The following GTF2IRD1 variants were observed in gnomAD, a reference collection of about 807,000 sequenced individuals.
GTF2IRD1 encodes the protein general transcription factor II-I repeat domain-containing protein 1.
Under a neutral mutation model 113.2 loss-of-function variants are expected in GTF2IRD1, and 26 were observed. That is an observed-to-expected ratio of 0.23 (90% CI 0.17 to 0.32). The LOEUF (loss-of-function observed/expected upper bound fraction) is 0.32, where lower values mean the gene tolerates loss of function less well. Ranked by LOEUF, GTF2IRD1 falls within the 10% of genes least tolerant of loss-of-function variation. GTF2IRD1 has a pLI of 1.00. For missense variants in GTF2IRD1, 864 were observed against 1,280.8 expected (o/e 0.67, Z 4.97); for synonymous variants, 484 against 529.1 (o/e 0.91, Z 1.17).
chr7:74,526,433 T>C (rs1554347246), intron 8 of GTF2IRD1, among the ~76,000 whole-genome samples: 1 of 152,160 alleles, frequency 6.6e-6, no homozygotes, highest in African/African-American at 2.4e-5. Flanking sequence ...CTCCCAGCTC[T>C]ACCAGCCACC....
chr7:74,566,907 C>T (rs2130837194), intron 22 of GTF2IRD1, among the ~76,000 whole-genome samples: 1 of 152,326 alleles, frequency 6.6e-6, no homozygotes, highest in African/African-American at 2.4e-5. Context: ...CACCACCCCT[C>T]TGGTCTCATC....
intron 2 of GTF2IRD1, among the ~76,000 whole-genome samples, chr7:74,509,936 A>G (rs1199516919): frequency 1.3e-5 from 2 of 152,108 alleles, no homozygotes; most frequent in African/African-American, 4.8e-5. Flanking sequence ...CAGCCTCTCA[A>G]AGTGCTGGGA....
At chr7:74,522,563 A>T (rs1236694253) in intron 7 of GTF2IRD1, among the ~76,000 whole-genome samples, 1 of 152,150 alleles carries the variant, frequency 6.6e-6, no homozygotes, top group African/African-American at 2.4e-5. Flanking sequence ...AAGAAAACCC[A>T]GTCCCCTGGG....
rs1583823430 is a variant in GTF2IRD1, at chr7:74,536,247, A to C, written c.1381A>C (p.Thr461Pro). Reference sequence around the variant, plus strand: ...CACCTCTGCAGAGGTCTCTAGGGCCACCGTCCTTGACCTTGCTGGGAATGC... The same window carrying C: ...CACCTCTGCAGAGGTCTCTAGGGCCCCCGTCCTTGACCTTGCTGGGAATGC... Reference protein sequence around the residue: ...EDTSAEVSRATVLDLAGNARS... With the variant: ...EDTSAEVSRAPVLDLAGNARS... The change falls in exon 11 of 27, where the codon ACC becomes CCC. Residue 461 changes from threonine to proline, a missense_variant. Around this residue, in one of 7 missense-constraint regions of GTF2IRD1, gnomAD observed 218 missense variants for 352.6 expected, o/e 0.62. Coordinates refer to ENST00000424337, the MANE Select transcript of GTF2IRD1 (RefSeq NM_005685.4). 1 of 1,611,360 alleles carries C rather than the reference A, an allele frequency of 6.2e-7. No homozygotes were observed. The highest frequency in any genetic ancestry group is 8.5e-7 in the Non-Finnish European group (1 of 1,177,724).
intron 1 of GTF2IRD1, among the ~76,000 whole-genome samples, chr7:74,457,178 T>TG (rs527881304): frequency 3.0e-4 from 46 of 151,846 alleles, no homozygotes; most frequent in Non-Finnish European, 4.4e-4. Flanking sequence ...TTTGTAGAGA[T>TG]GGGGTCTTGC....
At chr7:74,525,403 A>G (rs887541100) in intron 8 of GTF2IRD1, among the ~76,000 whole-genome samples, 5 of 152,216 alleles carry the variant, frequency 3.3e-5, no homozygotes, top group South Asian at 2.1e-4. Flanking sequence ...CTTTGTCCCT[A>G]GCACCCAGGA....
At chr7:74,458,424 C>T (rs1554328041) in intron 1 of GTF2IRD1, among the ~76,000 whole-genome samples, 1 of 151,742 alleles carries the variant, frequency 6.6e-6, no homozygotes, top group Admixed American at 6.6e-5. Flanking sequence ...GCAGGAGGGG[C>T]CTGGCCTCTC....
chr7:74,566,589 G>A (rs1403450081), intron 22 of GTF2IRD1, among the ~76,000 whole-genome samples: 2 of 152,108 alleles, frequency 1.3e-5, no homozygotes, highest in African/African-American at 2.4e-5. Flanking sequence ...CGATCCACCC[G>A]CCTCGGCTTC....
chr7:74,575,592 C>G (rs782136083), intron 22 of GTF2IRD1, among the ~76,000 whole-genome samples: 9 of 152,126 alleles, frequency 5.9e-5, no homozygotes, highest in Non-Finnish European at 1.3e-4. Flanking sequence ...GGTGAGTCAC[C>G]CACTCTTAGG....
intron 16 of GTF2IRD1, 79 bp downstream of exon 16, chr7:74,545,888 C>A: frequency 2.0e-6 from 2 of 1,024,436 alleles, no homozygotes; most frequent in South Asian, 1.3e-5. Context: ...GCTTTGGTCG[C>A]ATCCCCTTGC....
At chr7:74,523,292 G>A (rs587649400) in intron 7 of GTF2IRD1, among the ~76,000 whole-genome samples, 3 of 152,252 alleles carry the variant, frequency 2.0e-5, no homozygotes, top group East Asian at 1.9e-4. Flanking sequence ...CTGGGGGGCC[G>A]AGGCAGAGGG....
At chr7:74,507,473 A>G (rs782021668) in intron 1 of GTF2IRD1, 2 of 152,344 alleles carry the variant, frequency 1.3e-5, no homozygotes, top group Non-Finnish European at 2.9e-5. Flanking sequence ...CTCTGTCTCG[A>G]AATAAAATTA....
intron 22 of GTF2IRD1, among the ~76,000 whole-genome samples, chr7:74,582,656 A>G (rs782595913): frequency 1.3e-5 from 2 of 152,122 alleles, no homozygotes; most frequent in Non-Finnish European, 2.9e-5. Flanking sequence ...GACTTTCCAT[A>G]CACCACACAG....
At chr7:74,471,687 A>AC (rs66929737) in intron 1 of GTF2IRD1, among the ~76,000 whole-genome samples, 1 of 74,004 alleles carries the variant, frequency 1.4e-5, no homozygotes, top group African/African-American at 5.1e-5. Flanking sequence ...AAAAAAAAAA[A>AC]AACAAAAAAA....
chr7:74,514,511 AGAG>A (rs1554344010), intron 3 of GTF2IRD1, among the ~76,000 whole-genome samples: 3 of 152,146 alleles, frequency 2.0e-5, no homozygotes, highest in Non-Finnish European at 1.5e-5. Flanking sequence ...CGCAGATCCC[AGAG>A]GAGAATAGGC....
intron 14 of GTF2IRD1, 39 bp from the exon 15 acceptor site, chr7:74,544,716 G>T (rs782757620): frequency 2.5e-6 from 4 of 1,608,296 alleles, no homozygotes; most frequent in Non-Finnish European, 3.4e-6. Flanking sequence ...CTTAGGAGAT[G>T]ATGAATGTGG....
chr7:74,510,173 T>C (rs79230347), intron 2 of GTF2IRD1, among the ~76,000 whole-genome samples: 15,501 of 152,016 alleles, frequency 0.1, 1,946 homozygotes, highest in East Asian at 0.39. Context: ...GCAGAGTGAC[T>C]TTCATGAGGA....
At chr7:74,534,088 T>G (rs1798137716) in intron 9 of GTF2IRD1, among the ~76,000 whole-genome samples, 1 of 151,570 alleles carries the variant, frequency 6.6e-6, no homozygotes, top group Non-Finnish European at 1.5e-5. Flanking sequence ...TTGGCAGCTC[T>G]GCTCTGTGCC....
At chr7:74,549,053 G>A (rs1280735805) in intron 17 of GTF2IRD1, among the ~76,000 whole-genome samples, 1 of 151,746 alleles carries the variant, frequency 6.6e-6, no homozygotes, top group Non-Finnish European at 1.5e-5. Context: ...CATTTGGGAG[G>A]CCAAGGTAGG....
Sources: allele counts gnomAD v4.1 joint callset (sites outside exome capture counted in the v4.1 genomes callset), GRCh38; gene constraint gnomAD v4.1.1; regional missense constraint gnomAD v4.1.1; transcripts MANE v1.5; gene names NCBI Gene and HGNC (gene_info 2026-07-23, HGNC 2026-07-21).